MCF2L: variants seen among roughly 807,000 people sequenced by gnomAD.
The protein encoded by MCF2L is guanine nucleotide exchange factor DBS.
Under a neutral mutation model 153.4 loss-of-function variants are expected in MCF2L, and 97 were observed. The ratio of observed to expected loss-of-function variants is 0.63; its 90% CI spans 0.54 to 0.75. MCF2L has a LOEUF of 0.75. Among genes scored for constraint, MCF2L ranks in the 30% least tolerant of loss-of-function variants. The pLI, the probability that MCF2L is intolerant of heterozygous loss-of-function variation, is 0.00. For synonymous variants in MCF2L, 659 were observed against 632.2 expected (o/e 1.04, Z -0.64); for missense variants, 1,347 against 1,495.2 (o/e 0.90, Z 1.64).
intron 4 of MCF2L, among the ~76,000 whole-genome samples, chr13:113,058,736 C>CGCTGTGTGGAT (rs148607244): frequency 3.1e-4 from 37 of 120,052 alleles, no homozygotes; most frequent in Non-Finnish European, 5.9e-4. Context: ...GCTGTGTGGG[C>CGCTGTGTGGAT]GCTGAGTGGG....
At chr13:112,950,153 C>CA (rs35804478) in intron 2 of MCF2L, among the ~76,000 whole-genome samples, 85,899 of 151,050 alleles carry the variant, frequency 0.57, 24,548 homozygotes, top group South Asian at 0.72. Context: ...TTTAAAATTA[C>CA]AAAAAAAAAC....
In MCF2L at chr13:112,941,991, C is replaced by T. The variant is rs564456904; in HGVS notation, c.169+39620C>T. ...ATCTGGGAAGACGCCCGTTGCCAAGCGGACCATGGTCTAGCGGTAGCGTCA... is the reference window on the plus strand; with the variant it reads ...ATCTGGGAAGACGCCCGTTGCCAAGTGGACCATGGTCTAGCGGTAGCGTCA... On this transcript the variant is annotated intron_variant, in intron 2 of 29. Coordinates refer to the MCF2L transcript ENST00000375608. This position sits in a 1 kb window ranked among gnomAD's most constrained non-coding sequence, Gnocchi z 4.9. 5.9e-5 allele frequency among the ~76,000 whole-genome samples: 9 copies of T among 152,286 alleles called. No homozygotes were observed. The highest frequency in any genetic ancestry group is 1.9e-4 in the East Asian group (1 of 5,162).
intron 2 of MCF2L, among the ~76,000 whole-genome samples, chr13:113,023,965 CCG>C (rs2141279637): frequency 6.6e-6 from 1 of 152,360 alleles, no homozygotes; most frequent in South Asian, 2.1e-4. Context: ...AAGCTCACTT[CCG>C]CTGAGTCCTG....
intron 9 of MCF2L, among the ~76,000 whole-genome samples, chr13:113,073,462 A>G (rs1338202151): frequency 6.6e-6 from 1 of 152,220 alleles, no homozygotes; most frequent in Admixed American, 6.5e-5. Flanking sequence ...AGGGGGTTCA[A>G]GGATGGACAA....
chr13:112,923,096 G>A (rs994678623), intron 2 of MCF2L, among the ~76,000 whole-genome samples: 3 of 152,146 alleles, frequency 2.0e-5, no homozygotes, highest in African/African-American at 4.8e-5. Context: ...AAGAATTCTC[G>A]TATATAAGAC....
upstream of MCF2L, chr13:112,965,188 A>C (rs1318307472): frequency 6.5e-6 from 1 of 152,750 alleles, no homozygotes; most frequent in Non-Finnish European, 1.5e-5. Context: ...CCACTTCAGA[A>C]GTGCAGTCCT....
intron 1 of MCF2L, among the ~76,000 whole-genome samples, chr13:113,013,784 G>C (rs185512085): frequency 6.6e-6 from 1 of 152,214 alleles, no homozygotes; most frequent in Non-Finnish European, 1.5e-5. Context: ...GCCAGAAATC[G>C]TGTCTGCTCC....
At chr13:113,088,695 C>T in intron 25 of MCF2L, 67 bp downstream of exon 25, 1 of 1,508,852 alleles carries the variant, frequency 6.6e-7, no homozygotes, top group Non-Finnish European at 9.0e-7. Context: ...ATTTGCACGC[C>T]AGGGTCCTCG....
Position 113,087,776 on chromosome 13 carries a change from C to G in MCF2L, c.2665C>G (p.Arg889Gly). 1 of 1,614,104 alleles carries G rather than the reference C, an allele frequency of 6.2e-7. No individual in the cohort carries two copies. The highest frequency in any genetic ancestry group is 8.5e-7 in the Non-Finnish European group (1 of 1,180,018). Residue 889 changes from arginine to glycine, a missense_variant, in exon 23 of 30, where the codon CGC (arginine) becomes GGC (glycine). By Grantham distance (125) the Arg-to-Gly change is moderately radical (BLOSUM62 -2). This residue lies in a region of MCF2L where 383 missense variants were observed against 335.4 expected (regional missense o/e 1.14). Coordinates refer to ENST00000535094, the MANE Select transcript of MCF2L (RefSeq NM_001112732.3). ...GAAGTTCGAGATCTGGTACAACGCGCGCGAGGAGGTCTACATCGTCCAGGT... is the reference window on the plus strand; with the variant it reads ...GAAGTTCGAGATCTGGTACAACGCGGGCGAGGAGGTCTACATCGTCCAGGT... ...AKKFEIWYNA[R>G]EEVYIVQAPT...
chr13:112,978,563 C>T (rs1240962864), intron 1 of MCF2L, among the ~76,000 whole-genome samples: 1 of 152,200 alleles, frequency 6.6e-6, no homozygotes, highest in Non-Finnish European at 1.5e-5. Flanking sequence ...CTCTTGATGT[C>T]CCCGATGCCA....
chr13:112,969,603 C>T lies in MCF2L; in HGVS notation c.79+145C>T, dbSNP rs2140806225. The T allele has an allele frequency of 7.0e-7, 1 of 1,425,356 alleles. No individual in the cohort carries two copies. The highest frequency in any genetic ancestry group is 1.4e-5 in the South Asian group (1 of 72,578). 88.3% of individuals were successfully genotyped at this position (1,425,356 alleles called of 1,614,324 possible). ...CTGTGACATGGGGGGCACTGGTTGGCAGCTGGTGTGTTTTCAGAGGCTGTC... is the reference window on the plus strand; with the variant it reads ...CTGTGACATGGGGGGCACTGGTTGGTAGCTGGTGTGTTTTCAGAGGCTGTC... On this transcript the variant is annotated intron_variant, in intron 1 of 29. Coordinates refer to ENST00000535094, the MANE Select transcript of MCF2L (RefSeq NM_001112732.3). This position sits in a 1 kb window ranked among gnomAD's most constrained non-coding sequence, Gnocchi z 4.8.
chr13:112,932,504 A>G lies in MCF2L; in HGVS notation c.169+30133A>G, dbSNP rs532772567. Among the ~76,000 whole-genome samples the G allele has an allele frequency of 5.3e-5, 8 of 152,328 alleles. No individual in the cohort carries two copies. The highest frequency in any genetic ancestry group is 1.9e-4 in the African/African-American group (8 of 41,568). On this transcript the variant is annotated intron_variant, in intron 2 of 29. Transcript: ENST00000375608. The surrounding 1 kb of genome is among the most constrained non-coding windows in gnomAD (Gnocchi z 4.6). ...GAATAAACTGTGCATAGTTAATAATAATGTACCAATATTGGCTCATTAATT... is the reference window on the plus strand; with the variant it reads ...GAATAAACTGTGCATAGTTAATAATGATGTACCAATATTGGCTCATTAATT...
intron 2 of MCF2L, among the ~76,000 whole-genome samples, chr13:113,019,461 G>A (rs963069322): frequency 1.3e-5 from 2 of 152,220 alleles, no homozygotes; most frequent in African/African-American, 4.8e-5. Context: ...TTCCCTGCCC[G>A]TGGGGGTTTG....
Position 112,944,876 on chromosome 13 carries a change from G to A in MCF2L, c.169+42505G>A, listed in dbSNP as rs114413079. Among the ~76,000 whole-genome samples, 667 of 152,322 alleles carry A rather than the reference G, an allele frequency of 4.4e-3. 6 individuals are homozygous for A. The highest frequency in any genetic ancestry group is 0.015 in the African/African-American group (634 of 41,582). On this transcript the variant is annotated intron_variant, in intron 2 of 29. Transcript: ENST00000375608. ...CTCTGCAAGCTCTGTGCAGAAGGGA[G>A]CAAGGTCTGCCTGATGCCACCACCG...
intron 4 of MCF2L, among the ~76,000 whole-genome samples, chr13:113,050,413 G>A (rs1345630876): frequency 6.6e-6 from 1 of 151,554 alleles, no homozygotes; most frequent in East Asian, 1.9e-4. Flanking sequence ...CAAGTAGGTG[G>A]CTGGAGAAAG....
rs1332651997 is a variant in MCF2L, at chr13:112,983,326, C to G, written c.79+13868C>G. ...CGTGAGAATAAAAAAGTTAACATGT[C>G]TTTGGCTTCCCATCTGCTGGGGAGT... On this transcript the variant is annotated intron_variant, in intron 1 of 29. Coordinates refer to ENST00000535094, the MANE Select transcript of MCF2L (RefSeq NM_001112732.3). The surrounding 1 kb of genome is among the most constrained non-coding windows in gnomAD (Gnocchi z 4.0). Among the ~76,000 whole-genome samples, 1 of 152,214 alleles carries G rather than the reference C, an allele frequency of 6.6e-6. No homozygotes were observed. The highest frequency in any genetic ancestry group is 1.5e-5 in the Non-Finnish European group (1 of 68,036).
chr13:112,993,263 G>A lies in MCF2L; in HGVS notation c.80-21500G>A, dbSNP rs1172682598. Among the ~76,000 whole-genome samples the A allele has an allele frequency of 6.6e-6, 1 of 152,222 alleles. No homozygotes were observed. The highest frequency in any genetic ancestry group is 1.5e-5 in the Non-Finnish European group (1 of 68,036). On this transcript the variant is annotated intron_variant, in intron 1 of 29. Coordinates refer to ENST00000535094, the MANE Select transcript of MCF2L (RefSeq NM_001112732.3). The surrounding 1 kb of genome is among the most constrained non-coding windows in gnomAD (Gnocchi z 4.6). ...GATGTCTTCGTGTGAACATGGTGGC[G>A]GGGGAGCGCCGGGCACACAACATGG...
intron 1 of MCF2L, among the ~76,000 whole-genome samples, chr13:112,987,753 T>C (rs940532106): frequency 3.9e-5 from 6 of 152,176 alleles, no homozygotes; most frequent in East Asian, 1.9e-4. Flanking sequence ...AAGGGGCCAG[T>C]GTGTGTCTGG....
intron 2 of MCF2L, among the ~76,000 whole-genome samples, chr13:113,017,127 C>T (rs1035492932): frequency 5.9e-5 from 9 of 152,214 alleles, no homozygotes; most frequent in Non-Finnish European, 1.2e-4. Context: ...CGGGTGTGTG[C>T]GTTGCCAATC....
Sources: allele counts gnomAD v4.1 joint callset (sites outside exome capture counted in the v4.1 genomes callset), GRCh38; gene constraint gnomAD v4.1.1; regional missense constraint gnomAD v4.1.1; non-coding constraint Gnocchi (gnomAD v3.1); transcripts MANE v1.5; gene names NCBI Gene and HGNC (gene_info 2026-07-23, HGNC 2026-07-21).